CCSER1: variants seen among roughly 807,000 people sequenced by gnomAD.
CCSER1 encodes the protein serine-rich coiled-coil domain-containing protein 1.
In CCSER1, 41 loss-of-function variants were observed where a neutral mutation model predicts 82.0. That is an observed-to-expected ratio of 0.50 (90% CI 0.39 to 0.65). The LOEUF is 0.65. Among genes scored for constraint, CCSER1 ranks in the 30% least tolerant of loss-of-function variants. The probability of loss-of-function intolerance (pLI) is 0.00; values close to 1 mark genes in which losing one functional copy is unlikely to be tolerated. For missense variants in CCSER1, 1,119 were observed against 1,064.2 expected (o/e 1.05, Z -0.72); for synonymous variants, 414 against 383.9 (o/e 1.08, Z -0.92).
intron 5 of CCSER1, among the ~76,000 whole-genome samples, chr4:90,496,892 C>A (rs192973147): frequency 6.9e-6 from 1 of 145,948 alleles, no homozygotes; most frequent in Non-Finnish European, 1.5e-5. Flanking sequence ...GCAGGAGAAT[C>A]GCTTGAACCC....
chr4:91,310,652 A>G (rs1213737298), intron 10 of CCSER1, among the ~76,000 whole-genome samples: 1 of 151,834 alleles, frequency 6.6e-6, no homozygotes, highest in African/African-American at 2.4e-5. Flanking sequence ...AATGGAGATA[A>G]ATTCGCTAAG....
At position 90,416,187 on chromosome 4, in the gene CCSER1, A is replaced by G. The variant is rs534815780; in HGVS notation, c.1603+16058A>G. The stretch of plus-strand genomic sequence containing the variant: ...TCATTACCTTTTTTTTACCTTGACT[A>G]TATTCAATCTTATTTATCAATTAAA... On this transcript the variant is annotated intron_variant, in intron 4 of 10. Transcript: ENST00000509176. Among the ~76,000 whole-genome samples the G allele has an allele frequency of 1.2e-4, 18 of 152,260 alleles. No individual in the cohort carries two copies. The East Asian group carries it at 2.5e-3, about 21-fold the overall frequency.
chr4:91,131,656 G>GTAGA (rs752475485), intron 10 of CCSER1, among the ~76,000 whole-genome samples: 22 of 151,970 alleles, frequency 1.4e-4, no homozygotes, highest in East Asian at 3.9e-4. Flanking sequence ...ATCTAGATAG[G>GTAGA]TAGATAGATA....
At chr4:91,324,373 TAGAAG>T (rs1286756272) in intron 10 of CCSER1, among the ~76,000 whole-genome samples, 2 of 152,212 alleles carry the variant, frequency 1.3e-5, no homozygotes, top group African/African-American at 4.8e-5. Context: ...GCAAAGTGTT[TAGAAG>T]AGAATTCTCG....
chr4:91,016,469 C>T (rs920982578), intron 9 of CCSER1, among the ~76,000 whole-genome samples: 1 of 151,922 alleles, frequency 6.6e-6, no homozygotes, highest in Non-Finnish European at 1.5e-5. Context: ...TCAAAATTAA[C>T]TTCCTTATTA....
At chr4:91,596,918 A>G (rs1764606448) in intron 10 of CCSER1, among the ~76,000 whole-genome samples, 1 of 152,050 alleles carries the variant, frequency 6.6e-6, no homozygotes, top group Non-Finnish European at 1.5e-5. Flanking sequence ...ATAAAAAGGA[A>G]AGGCCTGAGT....
rs1726036355 is a variant in CCSER1 at position 90,147,509 on chromosome 4, G to A, written c.-42+19678G>A. Among the ~76,000 whole-genome samples the A allele has an allele frequency of 1.3e-5, 2 of 152,116 alleles. 1 individual carries two copies. Among genetic ancestry groups the A allele is most frequent in the South Asian group, 4.1e-4 (2 of 4,828 alleles). On this transcript the variant is annotated intron_variant, in intron 1 of 10. Transcript: ENST00000509176. ...TAAAAGTAGTATTGGCCATGTTCAA[G>A]TACCTTACAGGCTATTCTAGATTAA...
chr4:91,197,276 C>T (rs1194039516), intron 10 of CCSER1, among the ~76,000 whole-genome samples: 1 of 152,180 alleles, frequency 6.6e-6, no homozygotes, highest in African/African-American at 2.4e-5. Flanking sequence ...CAATTGAAGC[C>T]TTATGTGAAT....
chr4:90,214,014 A>G (rs771469420), intron 1 of CCSER1, among the ~76,000 whole-genome samples: 1 of 152,184 alleles, frequency 6.6e-6, no homozygotes, highest in South Asian at 2.1e-4. Flanking sequence ...TTTAAGGTTA[A>G]TACATTATGT....
intron 3 of CCSER1, among the ~76,000 whole-genome samples, chr4:90,326,340 G>A (rs879753683): frequency 1.3e-5 from 2 of 152,032 alleles, no homozygotes; most frequent in South Asian, 2.1e-4. Context: ...GATTACAGGC[G>A]TGAGCCACCG....
At chr4:91,085,594 A>T (rs569416465) in intron 9 of CCSER1, among the ~76,000 whole-genome samples, 1 of 152,142 alleles carries the variant, frequency 6.6e-6, no homozygotes, top group Non-Finnish European at 1.5e-5. Context: ...ATCTGCTGGT[A>T]GGTGAACTAG....
At chr4:90,729,600 G>T (rs1427607718) in intron 7 of CCSER1, among the ~76,000 whole-genome samples, 1 of 152,154 alleles carries the variant, frequency 6.6e-6, no homozygotes, top group Non-Finnish European at 1.5e-5. Flanking sequence ...TATTGGCCGG[G>T]CGCAGTGGCT....
At chr4:91,256,153 C>T (rs62311997) in intron 10 of CCSER1, among the ~76,000 whole-genome samples, 9,968 of 152,144 alleles carry the variant, frequency 0.066, 402 homozygotes, top group South Asian at 0.15. Flanking sequence ...GGGGGGCCCT[C>T]TAAAATGGCC....
chr4:90,837,561 G>A (rs898433907), intron 8 of CCSER1, among the ~76,000 whole-genome samples: 1 of 151,986 alleles, frequency 6.6e-6, no homozygotes, highest in African/African-American at 2.4e-5. Flanking sequence ...TACTTAGTAC[G>A]ATGACTGAAT....
At chr4:90,135,150 A>G (rs1663543626) in intron 1 of CCSER1, among the ~76,000 whole-genome samples, 1 of 152,300 alleles carries the variant, frequency 6.6e-6, no homozygotes, top group South Asian at 2.1e-4. Flanking sequence ...AAATTAACTG[A>G]TTTCTAGCCT....
At chr4:90,220,766 T>C (rs1742003478) in intron 1 of CCSER1, among the ~76,000 whole-genome samples, 1 of 152,224 alleles carries the variant, frequency 6.6e-6, no homozygotes, top group African/African-American at 2.4e-5. Flanking sequence ...GTCCTGATCA[T>C]TTCAGATATG....
chr4:90,606,232 T>TA (rs1174659436), intron 5 of CCSER1, among the ~76,000 whole-genome samples: 3 of 152,182 alleles, frequency 2.0e-5, no homozygotes, highest in Admixed American at 2.0e-4. Flanking sequence ...ATGTGTCACT[T>TA]AAAGATGCAG....
At chr4:91,277,446 T>G (rs1346754569) in intron 10 of CCSER1, among the ~76,000 whole-genome samples, 1 of 151,844 alleles carries the variant, frequency 6.6e-6, no homozygotes, top group African/African-American at 2.4e-5. Context: ...TCCATTTTGT[T>G]TAAGTTTTCC....
At chr4:90,315,003 T>A (rs1186987337) in intron 3 of CCSER1, among the ~76,000 whole-genome samples, 1 of 151,658 alleles carries the variant, frequency 6.6e-6, no homozygotes. Flanking sequence ...CCTGCCACCA[T>A]GCACAGATAA....
Sources: gnomAD v4.1 joint callset for allele counts (sites outside exome capture counted in the v4.1 genomes callset) on GRCh38, gnomAD v4.1.1 for gene constraint, MANE v1.5 for transcripts, NCBI Gene and HGNC (gene_info 2026-07-23, HGNC 2026-07-21) for gene names.